SPEN: variants seen among roughly 807,000 people sequenced by gnomAD.
SPEN encodes the protein spen family transcriptional repressor, also known as msx2-interacting protein.
A neutral mutation model predicts 269.9 loss-of-function variants in SPEN; 18 were observed. That is an observed-to-expected ratio of 0.07 (90% confidence interval 0.05 to 0.10). The LOEUF is 0.10. SPEN is among the 10% of genes least tolerant of loss of function. SPEN has a pLI of 1.00. For missense variants in SPEN, 3,822 were observed against 4,631.2 expected (o/e 0.83, Z 5.07); for synonymous variants, 1,726 against 1,765.7 (o/e 0.98, Z 0.56).
At chr1:15,881,427 G>A (rs1483531242) in intron 3 of SPEN, among the ~76,000 whole-genome samples, 1 of 152,138 alleles carries the variant, frequency 6.6e-6, no homozygotes, top group Non-Finnish European at 1.5e-5. Context: ...GGAACAGGTG[G>A]GAGAGACATT....
At chr1:15,853,671 T>G (rs1483591203) in intron 1 of SPEN, among the ~76,000 whole-genome samples, 1 of 151,434 alleles carries the variant, frequency 6.6e-6, no homozygotes, top group East Asian at 1.9e-4. Context: ...TTTTTGTATT[T>G]TTTTTTTTTT....
chr1:15,938,197 G>A (rs776810600), intron 13 of SPEN, among the ~76,000 whole-genome samples, 191 bp downstream of exon 13: 3 of 152,200 alleles, frequency 2.0e-5, no homozygotes, highest in Non-Finnish European at 2.9e-5. Context: ...TCTGCCTCCC[G>A]GGTTCAAGCC....
At chr1:15,901,572 C>T (rs1267951334) in intron 3 of SPEN, among the ~76,000 whole-genome samples, 1 of 150,380 alleles carries the variant, frequency 6.6e-6, no homozygotes, top group Non-Finnish European at 1.5e-5. Flanking sequence ...ATCATTTGAA[C>T]CTGGGGATCG....
chr1:15,904,232 C>G (rs1211107472), intron 3 of SPEN, among the ~76,000 whole-genome samples: 1 of 151,534 alleles, frequency 6.6e-6, no homozygotes, highest in East Asian at 2.0e-4. Context: ...AATCCCAGCA[C>G]TTTGGGAGGC....
intron 6 of SPEN, among the ~76,000 whole-genome samples, chr1:15,918,282 G>A (rs969670459): frequency 5.9e-5 from 9 of 152,152 alleles, no homozygotes; most frequent in African/African-American, 1.7e-4. Context: ...GCAATGGCGC[G>A]ATCTTGGCTT....
intron 2 of SPEN, among the ~76,000 whole-genome samples, chr1:15,874,717 CAAAG>C (rs1022084190): frequency 1.3e-5 from 2 of 152,096 alleles, no homozygotes; most frequent in African/African-American, 2.4e-5. Context: ...TTTTAAGTCT[CAAAG>C]GAAACCCTCT....
chr1:15,870,778 T>G (rs2070565361), intron 1 of SPEN, among the ~76,000 whole-genome samples: 1 of 152,184 alleles, frequency 6.6e-6, no homozygotes, highest in Non-Finnish European at 1.5e-5. Context: ...ATTCCTTGGA[T>G]TTTAGCATAC....
intron 1 of SPEN, among the ~76,000 whole-genome samples, chr1:15,851,092 GGTCA>G (rs1385411599): frequency 2.0e-5 from 3 of 152,112 alleles, no homozygotes; most frequent in African/African-American, 4.8e-5. Flanking sequence ...AGAAAAAAGA[GGTCA>G]GTCAGTTCTT....
chr1:15,896,326 G>C (rs2070842277), intron 3 of SPEN, among the ~76,000 whole-genome samples: 1 of 150,928 alleles, frequency 6.6e-6, no homozygotes, highest in Non-Finnish European at 1.5e-5. Flanking sequence ...CTCCCACGTA[G>C]CTGGGACTGC....
At position 15,930,487 on chromosome 1, in the gene SPEN, G is replaced by C; in HGVS notation, c.4247G>C (p.Arg1416Pro). 6.2e-7 allele frequency: 1 copy of C among 1,614,176 alleles called. No homozygotes were observed. The highest frequency in any genetic ancestry group is 2.2e-5 in the East Asian group (1 of 44,886). The change falls in exon 11 of 15, where the codon CGT becomes CCT. Residue 1416 changes from arginine (R) to proline (P), a missense_variant. Physicochemically the swap from Arg to Pro is moderately radical, Grantham distance 103. This residue lies in a region of SPEN where 267 missense variants were observed against 315.5 expected (regional missense o/e 0.85). Coordinates refer to ENST00000375759, the MANE Select transcript of SPEN (RefSeq NM_015001.3). This position sits in a 1 kb window ranked among gnomAD's most constrained non-coding sequence, Gnocchi z 5.3. ...FLLRDREDKL[R>P]ERDERLSSSL... Reference sequence around the variant, plus strand: ...TTGAGGGACAGAGAAGACAAGCTACGTGAGCGAGATGAAAGACTCTCTAGT... The same window carrying C: ...TTGAGGGACAGAGAAGACAAGCTACCTGAGCGAGATGAAAGACTCTCTAGT...
In SPEN at chr1:15,932,047, G is replaced by A. The variant is rs946117307; in HGVS notation, c.5807G>A (p.Arg1936Gln). Residue 1936 changes from arginine (R) to glutamine (Q), a missense_variant, in exon 11 of 15, where the codon CGA becomes CAA. Physicochemically the swap from Arg to Gln is conservative, Grantham distance 43. Transcript: ENST00000375759. This position sits in a 1 kb window ranked among gnomAD's most constrained non-coding sequence, Gnocchi z 4.2. Reference protein sequence around the residue: ...QPRVTRKRLERELQEAAAVPT... With the variant: ...QPRVTRKRLEQELQEAAAVPT... ...AGAGTGACCAGAAAGAGATTGGAGC[G>A]AGAGCTTCAGGAGGCTGCAGCGGTT... The A allele has an allele frequency of 8.7e-6, 14 of 1,614,080 alleles. No homozygotes were observed. The Admixed American group carries it at 1.8e-4, about 21-fold the overall frequency.
At chr1:15,849,400 A>G (rs932270167) in intron 1 of SPEN, among the ~76,000 whole-genome samples, 2 of 152,390 alleles carry the variant, frequency 1.3e-5, no homozygotes, top group Admixed American at 1.3e-4. Flanking sequence ...CCTGTCTTTT[A>G]AATGGAGGAT....
At chr1:15,926,853 C>T (rs1246162618) in intron 10 of SPEN, among the ~76,000 whole-genome samples, 1 of 151,992 alleles carries the variant, frequency 6.6e-6, no homozygotes, top group Non-Finnish European at 1.5e-5. Context: ...CCACCATGCC[C>T]GCCTAATTTT....
At position 15,932,146 on chromosome 1, in the gene SPEN, A is replaced by G. The variant is rs1319518361; in HGVS notation, c.5906A>G (p.Lys1969Arg). Reference sequence around the variant, plus strand: ...GATGAAGAGGAGGAGAACGAGGCCAAGGAACCTGCAGAAACACTCAAGCCA... The same window carrying G: ...GATGAAGAGGAGGAGAACGAGGCCAGGGAACCTGCAGAAACACTCAAGCCA... ...RADEEEENEA[K>R]EPAETLKPPE... The change falls in exon 11 of 15, where the codon AAG becomes AGG. Residue 1969 changes from lysine (K) to arginine (R), a missense_variant. Transcript: ENST00000375759. The surrounding 1 kb of genome is among the most constrained non-coding windows in gnomAD (Gnocchi z 4.2). The G allele has an allele frequency of 1.2e-6, 2 of 1,612,972 alleles. No individual in the cohort carries two copies. The highest frequency in any genetic ancestry group is 1.7e-6 in the Non-Finnish European group (2 of 1,179,478).
Position 15,935,469 on chromosome 1 carries a change from GTCA to G in SPEN, c.9234_9236del (p.Ile3078del), listed in dbSNP as rs779507276. 26 of 1,614,066 alleles carry G rather than the reference GTCA, an allele frequency of 1.6e-5. No homozygotes were observed. Among genetic ancestry groups the G allele is most frequent in the East Asian group, 2.2e-5 (1 of 44,864 alleles). On this transcript the variant is annotated inframe_deletion, in exon 11 of 15. Transcript: ENST00000375759. The surrounding 1 kb of genome is among the most constrained non-coding windows in gnomAD (Gnocchi z 7.7). ...CTCCAGCATCCACCCAGAGCAGTCT[GTCA>G]TCATGCCACCCCACAGCATCACCCA...
At chr1:15,920,569 G>A (rs967268704) in intron 8 of SPEN, among the ~76,000 whole-genome samples, 6 of 151,872 alleles carry the variant, frequency 4.0e-5, no homozygotes, top group South Asian at 2.1e-4. Context: ...AAAACAAGAC[G>A]AATACTTTAC....
chr1:15,876,082 C>T (rs925197258), intron 2 of SPEN, 120 bp from the exon 3 acceptor site: 13 of 724,004 alleles, frequency 1.8e-5, no homozygotes, highest in Non-Finnish European at 3.0e-5. Flanking sequence ...TAGGTTAATG[C>T]TGTTTAGAAA....
intron 1 of SPEN, among the ~76,000 whole-genome samples, chr1:15,871,308 C>T (rs1178373729): frequency 4.0e-5 from 6 of 151,716 alleles, no homozygotes; most frequent in East Asian, 1.9e-4. Context: ...ATAACCTAAT[C>T]GGGATTAGAA....
intron 10 of SPEN, among the ~76,000 whole-genome samples, chr1:15,927,853 A>G (rs940441262): frequency 2.6e-5 from 4 of 152,212 alleles, no homozygotes; most frequent in Admixed American, 2.6e-4. Flanking sequence ...TTGTTTTTCT[A>G]TAAACTAGGT....
Sources: allele counts gnomAD v4.1 joint callset (sites outside exome capture counted in the v4.1 genomes callset), GRCh38; gene constraint gnomAD v4.1.1; regional missense constraint gnomAD v4.1.1; non-coding constraint Gnocchi (gnomAD v3.1); transcripts MANE v1.5; gene names NCBI Gene and HGNC (gene_info 2026-07-23, HGNC 2026-07-21).